MTMR7: variants seen among roughly 807,000 people sequenced by gnomAD.
MTMR7 encodes the protein myotubularin related protein 7, also known as phosphatidylinositol-3-phosphate phosphatase MTMR7.
In MTMR7, 76 loss-of-function variants were observed where a neutral mutation model predicts 81.2. That is an observed-to-expected ratio of 0.94 (90% CI 0.78 to 1.13). MTMR7 has a LOEUF of 1.13. Among genes scored for constraint, MTMR7 ranks in the 50% most tolerant of loss-of-function variants. The pLI is 0.00. For synonymous variants in MTMR7, 372 were observed against 289.8 expected (o/e 1.28, Z -2.88); for missense variants, 1,044 against 820.0 (o/e 1.27, Z -3.34).
At chr8:17,325,288 G>A (rs1354681655) in intron 7 of MTMR7, among the ~76,000 whole-genome samples, 1 of 152,108 alleles carries the variant, frequency 6.6e-6, no homozygotes, top group East Asian at 1.9e-4. Context: ...CCACGATGGT[G>A]CCTCCCACGA....
chr8:17,301,001 A>C (rs1817073516), intron 13 of MTMR7, among the ~76,000 whole-genome samples: 1 of 152,292 alleles, frequency 6.6e-6, no homozygotes, highest in South Asian at 2.1e-4. Flanking sequence ...GATATACCAG[A>C]TTTTGTTTCC....
chr8:17,357,259 A>C (rs73208962), intron 4 of MTMR7, among the ~76,000 whole-genome samples: 2,834 of 152,352 alleles, frequency 0.019, 41 homozygotes, highest in Non-Finnish European at 0.025. Context: ...AGAAATAATA[A>C]TACTACTATA....
chr8:17,341,469 A>G lies in MTMR7; in HGVS notation c.626T>C (p.Leu209Pro). The change falls in exon 6 of 14, where the codon CTG becomes CCG. Residue 209 changes from leucine (L) to proline (P), a missense_variant. Coordinates refer to ENST00000180173, the MANE Select transcript of MTMR7 (RefSeq NM_004686.5). ...HASICRSSQP[L>P]SGFSARCLED... is the part of the protein sequence containing the mutation. ...TAGGCACCGGGCACTGAAGCCGGAC[A>G]GGGGCTGGCTGCTCCGGCAGATGGA... The G allele has an allele frequency of 6.2e-7, 1 of 1,614,082 alleles. No homozygotes were observed. The highest frequency in any genetic ancestry group is 8.5e-7 in the Non-Finnish European group (1 of 1,180,020).
chr8:17,300,283 T>C (rs1453109596), intron 13 of MTMR7, 59 bp from the exon 14 acceptor site: 5 of 1,503,934 alleles, frequency 3.3e-6, no homozygotes, highest in Non-Finnish European at 4.5e-6. Flanking sequence ...TTTTTCTATA[T>C]ATGCATGTCT....
At chr8:17,317,434 T>C (rs1235512189) in intron 7 of MTMR7, among the ~76,000 whole-genome samples, 1 of 152,212 alleles carries the variant, frequency 6.6e-6, no homozygotes, top group East Asian at 1.9e-4. Context: ...GCAGTAACCA[T>C]GGGTCTCATT....
At chr8:17,373,279 C>G in intron 1 of MTMR7, 39 bp from the exon 2 acceptor site, 1 of 1,578,010 alleles carries the variant, frequency 6.3e-7, no homozygotes, top group Non-Finnish European at 8.6e-7. Context: ...TACCGTAAAG[C>G]AGAAGAGCAA....
intron 1 of MTMR7, among the ~76,000 whole-genome samples, chr8:17,380,183 G>A (rs1820716976): frequency 6.6e-6 from 1 of 152,242 alleles, no homozygotes; most frequent in South Asian, 2.1e-4. Flanking sequence ...GAGAACTGGG[G>A]CATTTCAAAG....
At chr8:17,386,592 C>A (rs111464078) in intron 1 of MTMR7, among the ~76,000 whole-genome samples, 1 of 152,232 alleles carries the variant, frequency 6.6e-6, no homozygotes, top group African/African-American at 2.4e-5. Flanking sequence ...AGCTCCTCAC[C>A]CTCAAACTCT....
At chr8:17,336,035 A>G (rs1040023902) in intron 6 of MTMR7, among the ~76,000 whole-genome samples, 2 of 152,198 alleles carry the variant, frequency 1.3e-5, no homozygotes, top group South Asian at 4.1e-4. Context: ...AAAGCTCGGC[A>G]GGGTTCCAAT....
intron 7 of MTMR7, among the ~76,000 whole-genome samples, chr8:17,327,136 A>G (rs1406905046): frequency 6.6e-6 from 1 of 152,162 alleles, no homozygotes; most frequent in Non-Finnish European, 1.5e-5. Context: ...CACATTTAGT[A>G]TTTTTCATGG....
intron 3 of MTMR7, 77 bp from the exon 4 acceptor site, chr8:17,361,351 C>T (rs755753610): frequency 1.9e-6 from 3 of 1,545,100 alleles, no homozygotes; most frequent in Non-Finnish European, 2.7e-6. Flanking sequence ...ACATTCTGTC[C>T]CACCTGGAGT....
intron 10 of MTMR7, among the ~76,000 whole-genome samples, chr8:17,307,596 T>G (rs935946483): frequency 6.6e-6 from 1 of 152,226 alleles, no homozygotes; most frequent in Non-Finnish European, 1.5e-5. Flanking sequence ...TGAATGTTTA[T>G]AGCGGCACTA....
At chr8:17,302,418 C>G in intron 12 of MTMR7, 138 bp from the exon 13 acceptor site, 1 of 880,458 alleles carries the variant, frequency 1.1e-6, no homozygotes. Context: ...AAAGCCACTA[C>G]TTAAGGTAAT....
chr8:17,413,146 TCGC>T, intron 1 of MTMR7, 120 bp downstream of exon 1: 1 of 1,147,794 alleles, frequency 8.7e-7, no homozygotes, highest in East Asian at 2.8e-5. Flanking sequence ...TGCTCCTCCC[TCGC>T]CCGCGGTCCA....
chr8:17,391,624 T>C (rs1297960794), intron 1 of MTMR7, among the ~76,000 whole-genome samples: 1 of 152,162 alleles, frequency 6.6e-6, no homozygotes, highest in African/African-American at 2.4e-5. Flanking sequence ...CTACCACTAC[T>C]CAAACTGGGT....
At chr8:17,367,956 G>C (rs1319151315) in intron 3 of MTMR7, among the ~76,000 whole-genome samples, 1 of 148,390 alleles carries the variant, frequency 6.7e-6, no homozygotes, top group Admixed American at 6.8e-5. Flanking sequence ...CAGAGACCTT[G>C]ACTTAAATGA....
At position 17,305,991 on chromosome 8, in the gene MTMR7, A is replaced by G. The variant is rs372182218; in HGVS notation, c.1152-34T>C. The G allele has an allele frequency of 1.4e-5, 22 of 1,537,660 alleles. No individual in the cohort carries two copies. The Admixed American group carries it at 2.2e-4, about 15-fold the overall frequency. On this transcript the variant is annotated intron_variant, in intron 10 of 13. Transcript: ENST00000180173. ...CAAAGCATTAGAGACTTTTTAAGGC[A>G]GATTTATTTTTAAAGTACAAAGCCA...
chr8:17,348,567 AACG>A (rs1390722217), intron 5 of MTMR7, among the ~76,000 whole-genome samples: 3 of 150,222 alleles, frequency 2.0e-5, no homozygotes, highest in African/African-American at 7.4e-5. Flanking sequence ...AAAAAAAAAA[AACG>A]TAATAGAGAA....
chr8:17,302,366 C>A, intron 12 of MTMR7, 86 bp from the exon 13 acceptor site: 1 of 1,420,906 alleles, frequency 7.0e-7, no homozygotes. Context: ...ATCTATGATA[C>A]CACAGTCTTA....
Sources: gnomAD v4.1 joint callset for allele counts (sites outside exome capture counted in the v4.1 genomes callset) on GRCh38, gnomAD v4.1.1 for gene constraint, MANE v1.5 for transcripts, NCBI Gene and HGNC (gene_info 2026-07-23, HGNC 2026-07-21) for gene names.